The following LRCH2 variants were observed in gnomAD, a reference collection of about 807,000 sequenced individuals.
The protein encoded by LRCH2 is leucine-rich repeat and calponin homology domain-containing protein 2.
LRCH2 carries 38 observed loss-of-function variants against 68.9 expected under a neutral mutation model. The observed-to-expected ratio is 0.55, with a 90% confidence interval of 0.43 to 0.72. LRCH2 has a LOEUF of 0.72. Ranked by LOEUF, LRCH2 falls within the 30% of genes least tolerant of loss-of-function variation. LRCH2 has a pLI of 0.00. For missense variants in LRCH2, 528 were observed against 572.9 expected, an observed-to-expected ratio of 0.92 and a Z score of 0.80; for synonymous variants, 191 against 208.1, an observed-to-expected ratio of 0.92 and a Z score of 0.71.
chrX:115,159,748 C>CAA (rs71894663), intron 11 of LRCH2, among the ~76,000 whole-genome samples: 6 of 78,954 alleles, frequency 7.6e-5, no homozygotes, highest in African/African-American at 2.4e-4. Flanking sequence ...GAGACTGTCT[C>CAA]AAAAAAAAAA....
Position 115,160,943 on chromosome X carries a change from A to G in LRCH2, c.1463+2733T>C, listed in dbSNP as rs189343191. On this transcript the variant is annotated intron_variant, in intron 11 of 20. Transcript: ENST00000317135. ...TTGTAGAAGGAAGAAAGATTATTTA[A>G]TAGAAAAAATATTAGATTTAGCATT... 2.4e-3 allele frequency among the ~76,000 whole-genome samples: 273 copies of G among 112,627 alleles called. 2 individuals carry two copies. In the Middle Eastern group the frequency reaches 0.051, roughly 21 times the overall value.
intron 14 of LRCH2, among the ~76,000 whole-genome samples, chrX:115,136,731 G>C (rs782554729): frequency 4.5e-5 from 5 of 111,836 alleles, no homozygotes; most frequent in African/African-American, 1.6e-4. Context: ...ATTTTGGCAG[G>C]TAATGAAATA....
At chrX:115,185,527 C>T (rs1383691765) in intron 2 of LRCH2, among the ~76,000 whole-genome samples, 1 of 111,731 alleles carries the variant, frequency 9.0e-6, no homozygotes, top group Non-Finnish European at 1.9e-5. Flanking sequence ...AAGCGATAAG[C>T]TATTATTTTT....
At chrX:115,197,845 T>TCACACACA (rs1298411202) in intron 1 of LRCH2, among the ~76,000 whole-genome samples, 4 of 28,618 alleles carry the variant, frequency 1.4e-4, no homozygotes, top group Admixed American at 5.9e-4. Context: ...TCTCTCTCTC[T>TCACACACA]CTCACACACA....
intron 1 of LRCH2, 124 bp from the exon 2 acceptor site, chrX:115,188,494 T>C (rs1466708903): frequency 8.5e-6 from 4 of 472,065 alleles, no homozygotes; most frequent in Non-Finnish European, 1.3e-5. Context: ...AAATATACAA[T>C]ATTATCCATC....
chrX:115,135,764 C>T (rs892264862), intron 14 of LRCH2, among the ~76,000 whole-genome samples: 3 of 111,396 alleles, frequency 2.7e-5, no homozygotes, highest in African/African-American at 9.8e-5. Flanking sequence ...CTAGAAATTG[C>T]CATATTCACC....
Position 115,124,018 on chromosome X carries a change from A to T in LRCH2, c.1792-16T>A. ...TGTCATATTCCTAAAAAAAAATTAAAAAGTTAAAAATAAATAAATAATAAA... is the reference window on the plus strand; with the variant it reads ...TGTCATATTCCTAAAAAAAAATTAATAAGTTAAAAATAAATAAATAATAAA... On this transcript the variant is annotated splice_polypyrimidine_tract_variant and intron_variant, in intron 16 of 20. Coordinates refer to ENST00000317135, the MANE Select transcript of LRCH2 (RefSeq NM_020871.4). 1 of 952,411 alleles carries T rather than the reference A, an allele frequency of 1.0e-6. No individual in the cohort carries two copies. The highest frequency in any genetic ancestry group is 3.0e-5 in the South Asian group (1 of 33,416). 78.5% of individuals were successfully genotyped at this position (952,411 alleles called of 1,213,427 possible).
intron 1 of LRCH2, chrX:115,192,390 C>T (rs2072848075): frequency 1.7e-6 from 2 of 1,163,671 alleles, no homozygotes; most frequent in Admixed American, 2.6e-5. Flanking sequence ...GAGGCCACTA[C>T]GAGGAGTACC....
chrX:115,165,568 G>A lies in LRCH2; in HGVS notation c.1286C>T (p.Ser429Leu). 1.7e-6 allele frequency: 2 copies of A among 1,152,273 alleles called. No individual in the cohort carries two copies. The highest frequency in any genetic ancestry group is 2.3e-6 in the Non-Finnish European group (2 of 861,126). 95.0% of individuals were successfully genotyped at this position (1,152,273 alleles called of 1,213,427 possible). The stretch of plus-strand genomic sequence containing the variant: ...CAAAGTTTTATTTACCTTAAAGAAT[G>A]ATACAAATGATCCAATATGTGCATT... ...QGNAHIGSFV[S>L]FFKGKEKCSE... The change falls in exon 9 of 21, where the codon TCA (serine) becomes TTA (leucine). Residue 429 changes from serine (S) to leucine (L), a missense_variant. Transcript: ENST00000317135.
chrX:115,227,568 A>G (rs1288631092), intron 1 of LRCH2, among the ~76,000 whole-genome samples: 4 of 109,392 alleles, frequency 3.7e-5, no homozygotes, highest in Non-Finnish European at 7.6e-5. Flanking sequence ...ATTCACAAAA[A>G]CCTTTAAATG....
intron 11 of LRCH2, among the ~76,000 whole-genome samples, chrX:115,159,697 A>G (rs782032198): frequency 3.2e-4 from 34 of 106,016 alleles, no homozygotes; most frequent in African/African-American, 1.0e-3. Context: ...CTTGCAGTGA[A>G]CCGAGATCAC....
At chrX:115,128,579 G>A (rs1416269847) in intron 15 of LRCH2, among the ~76,000 whole-genome samples, 1 of 112,184 alleles carries the variant, frequency 8.9e-6, no homozygotes, top group Non-Finnish European at 1.9e-5. Context: ...TTGACCACAG[G>A]TAACTGAAAC....
chrX:115,116,176 C>CT (rs1229580266), intron 20 of LRCH2, among the ~76,000 whole-genome samples: 3 of 111,226 alleles, frequency 2.7e-5, no homozygotes, highest in African/African-American at 9.7e-5. Context: ...ATAGAGTTAC[C>CT]ATATAACCTA....
At chrX:115,187,630 C>G (rs2072743219) in intron 2 of LRCH2, among the ~76,000 whole-genome samples, 1 of 112,080 alleles carries the variant, frequency 8.9e-6, no homozygotes, top group African/African-American at 3.2e-5. Context: ...GTCATGAAAA[C>G]TAGATAAGGT....
At chrX:115,157,191 G>T (rs2072482048) in intron 11 of LRCH2, among the ~76,000 whole-genome samples, 1 of 109,894 alleles carries the variant, frequency 9.1e-6, no homozygotes, top group Non-Finnish European at 1.9e-5. Context: ...ACCATTATAA[G>T]AGAGAACTAT....
intron 20 of LRCH2, among the ~76,000 whole-genome samples, chrX:115,120,123 G>A (rs1556525361): frequency 9.9e-6 from 1 of 101,299 alleles, no homozygotes; most frequent in Non-Finnish European, 2.0e-5. Context: ...AGGACTTCAT[G>A]TCCAAAACAC....
At chrX:115,202,003 T>C (rs1231706377) in intron 1 of LRCH2, among the ~76,000 whole-genome samples, 1 of 111,496 alleles carries the variant, frequency 9.0e-6, no homozygotes, top group Non-Finnish European at 1.9e-5. Flanking sequence ...AAATTGAAGA[T>C]GACAAAAACA....
chrX:115,200,505 A>G lies in LRCH2; in HGVS notation c.350-12135T>C, dbSNP rs1346593090. Among the ~76,000 whole-genome samples, 9 of 111,343 alleles carry G rather than the reference A, an allele frequency of 8.1e-5. No individual in the cohort carries two copies. The East Asian group carries it at 2.5e-3, about 31-fold the overall frequency. On this transcript the variant is annotated intron_variant, in intron 1 of 20. Transcript: ENST00000317135. ...ATCAGAAACTATTATGAACAACTAT[A>G]TACTCAACAAACAAGAAAACCTAGA...
At chrX:115,173,215 C>T (rs1052693238) in intron 5 of LRCH2, among the ~76,000 whole-genome samples, 6 of 111,552 alleles carry the variant, frequency 5.4e-5, no homozygotes, top group Non-Finnish European at 9.4e-5. Context: ...GACCCAATGA[C>T]GGATGAAAGA....
Sources: allele counts gnomAD v4.1 joint callset (sites outside exome capture counted in the v4.1 genomes callset), GRCh38; gene constraint gnomAD v4.1.1; transcripts MANE v1.5; gene names NCBI Gene and HGNC (gene_info 2026-07-23, HGNC 2026-07-21).